The following CELF2 variants were observed in gnomAD, a reference collection of about 807,000 sequenced individuals.
CELF2 encodes CUGBP Elav-like family member 2.
Under a neutral mutation model 62.6 loss-of-function variants are expected in CELF2, and 8 were observed. That is an observed-to-expected ratio of 0.13 (90% CI 0.07 to 0.23). The LOEUF (loss-of-function observed/expected upper bound fraction) is 0.23. Ranked by LOEUF, CELF2 falls within the 10% of genes least tolerant of loss-of-function variation. The pLI is 1.00. For missense variants in CELF2, 333 were observed against 671.0 expected (o/e 0.50, Z 5.56); for synonymous variants, 258 against 250.0 (o/e 1.03, Z -0.30).
the CELF2 span, chr10:10,776,728 C>T: frequency 6.5e-6 from 1 of 154,350 alleles, no homozygotes; most frequent in Admixed American, 6.5e-5. Flanking sequence ...CCCCAGCTCC[C>T]ATCGCCTCAT....
intron 1 of CELF2, among the ~76,000 whole-genome samples, chr10:11,079,795 G>A (rs2073435702): frequency 6.9e-6 from 1 of 145,764 alleles, no homozygotes; most frequent in African/African-American, 2.6e-5. Context: ...GAAAAGAGAA[G>A]TTGTCACTCA....
intron 1 of CELF2, among the ~76,000 whole-genome samples, chr10:10,823,830 A>G (rs545691903): frequency 1.6e-4 from 24 of 152,330 alleles, no homozygotes; most frequent in African/African-American, 5.8e-4. Context: ...CATTTTATAT[A>G]TGAGAAAAAG....
chr10:10,699,761 T>G, the CELF2 span, among the ~76,000 whole-genome samples: 1 of 152,244 alleles, frequency 6.6e-6, no homozygotes, highest in Non-Finnish European at 1.5e-5. Flanking sequence ...TTGATCATTG[T>G]AAAGATTTTG....
the CELF2 span, among the ~76,000 whole-genome samples, chr10:10,480,064 A>C: frequency 1.3e-5 from 2 of 152,084 alleles, no homozygotes; most frequent in African/African-American, 4.8e-5. Context: ...TTATTTATGA[A>C]TCTGACTTCA....
the CELF2 span, among the ~76,000 whole-genome samples, chr10:10,471,052 A>G: frequency 6.6e-6 from 1 of 151,382 alleles, no homozygotes; most frequent in Non-Finnish European, 1.5e-5. Context: ...TAATTCCCAG[A>G]TACTTAGGGC....
At chr10:10,491,909 C>T in the CELF2 span, among the ~76,000 whole-genome samples, 1 of 152,088 alleles carries the variant, frequency 6.6e-6, no homozygotes, top group African/African-American at 2.4e-5. Context: ...TTTTCTTATA[C>T]ATGAGATCCT....
At chr10:10,759,910 T>G in the CELF2 span, among the ~76,000 whole-genome samples, 2 of 152,184 alleles carry the variant, frequency 1.3e-5, no homozygotes, top group African/African-American at 4.8e-5. Context: ...TAAAATCTTT[T>G]TTTTTGTTTT....
intron 2 of CELF2, among the ~76,000 whole-genome samples, chr10:11,187,579 C>CCCG (rs1554920890): frequency 0.11 from 17,371 of 151,508 alleles, 1,159 homozygotes; most frequent in African/African-American, 0.18. Flanking sequence ...GGTCGCCCCC[C>CCCG]CCCCAACCTG....
chr10:11,132,612 A>G (rs1020192026), intron 1 of CELF2, among the ~76,000 whole-genome samples: 2 of 152,190 alleles, frequency 1.3e-5, no homozygotes, highest in African/African-American at 4.8e-5. Context: ...TTTCAATTGC[A>G]GAAAGTTACA....
the CELF2 span, among the ~76,000 whole-genome samples, chr10:10,465,180 A>G: frequency 6.6e-6 from 1 of 152,154 alleles, no homozygotes; most frequent in South Asian, 2.1e-4. Flanking sequence ...TGAAAATACG[A>G]CATTTGACAG....
At chr10:11,235,494 C>T (rs1389381837) in intron 3 of CELF2, among the ~76,000 whole-genome samples, 1 of 152,212 alleles carries the variant, frequency 6.6e-6, no homozygotes, top group Non-Finnish European at 1.5e-5. Context: ...TCTCTAAGCT[C>T]TACCAACCAG....
intron 1 of CELF2, among the ~76,000 whole-genome samples, chr10:10,814,604 G>A (rs1329815946): frequency 2.0e-5 from 3 of 152,166 alleles, no homozygotes; most frequent in Non-Finnish European, 4.4e-5. Flanking sequence ...TCTATCACTA[G>A]AGAATGAGAA....
intron 2 of CELF2, chr10:10,952,337 C>G (rs2048412130): frequency 6.6e-6 from 1 of 152,210 alleles, no homozygotes; most frequent in African/African-American, 2.4e-5. Flanking sequence ...GACTCCCATG[C>G]CTTTGAAAAA....
chr10:10,775,185 T>C, the CELF2 span, among the ~76,000 whole-genome samples: 2 of 152,146 alleles, frequency 1.3e-5, no homozygotes, highest in Admixed American at 1.3e-4. Context: ...CGTGAGGTCA[T>C]GTTTTAGTTA....
chr10:10,877,920 T>C (rs1311157108), intron 1 of CELF2, among the ~76,000 whole-genome samples: 1 of 152,218 alleles, frequency 6.6e-6, no homozygotes, highest in Non-Finnish European at 1.5e-5. Context: ...TATTCATTCA[T>C]CCAGATAGGA....
chr10:11,115,769 T>C (rs753234771), intron 1 of CELF2, among the ~76,000 whole-genome samples: 4 of 152,224 alleles, frequency 2.6e-5, no homozygotes, highest in Non-Finnish European at 2.9e-5. Context: ...AGATTCAAGT[T>C]ACTCATCACC....
At chr10:10,828,795 A>C (rs557937384) in intron 1 of CELF2, among the ~76,000 whole-genome samples, 3 of 152,360 alleles carry the variant, frequency 2.0e-5, no homozygotes, top group Admixed American at 6.5e-5. Flanking sequence ...GTACTTTAGT[A>C]AGCATTCAAA....
At chr10:11,304,316 C>T (rs2094024146) in intron 9 of CELF2, among the ~76,000 whole-genome samples, 1 of 152,192 alleles carries the variant, frequency 6.6e-6, no homozygotes, top group African/African-American at 2.4e-5. Context: ...ATTCCTTCTT[C>T]CATTTACAAA....
chr10:11,056,181 T>C (rs1004113362), intron 1 of CELF2, among the ~76,000 whole-genome samples: 1 of 152,228 alleles, frequency 6.6e-6, no homozygotes, highest in Non-Finnish European at 1.5e-5. Flanking sequence ...CACAATTCTA[T>C]AAAGCTCTTT....
Sources: allele counts gnomAD v4.1 joint callset (sites outside exome capture counted in the v4.1 genomes callset), GRCh38; gene constraint gnomAD v4.1.1; transcripts MANE v1.5; gene names NCBI Gene and HGNC (gene_info 2026-07-23, HGNC 2026-07-21).